UPF3B: variants seen among roughly 807,000 people sequenced by gnomAD.
UPF3B encodes the protein regulator of nonsense transcripts 3B.
UPF3B carries 7 observed loss-of-function variants against 40.3 expected under a neutral mutation model. The ratio of observed to expected loss-of-function variants is 0.17; its 90% CI spans 0.10 to 0.33. UPF3B has a LOEUF of 0.33. UPF3B is among the 10% of genes least tolerant of loss of function. The pLI is 1.00. For synonymous variants in UPF3B, 117 were observed against 117.3 expected (o/e 1.00, Z 0.01); for missense variants, 229 against 358.9 (o/e 0.64, Z 2.93).
chrX:119,823,434 C>T (rs1221826903), intron 3 of UPF3B, among the ~76,000 whole-genome samples: 1 of 110,554 alleles, frequency 9.0e-6, no homozygotes, highest in Non-Finnish European at 1.9e-5. Flanking sequence ...GACGGGGTTG[C>T]CCTATGTTGC....
chrX:119,818,094 G>A (rs1377021353), intron 4 of UPF3B, among the ~76,000 whole-genome samples: 6 of 109,584 alleles, frequency 5.5e-5, no homozygotes, highest in African/African-American at 2.0e-4. Flanking sequence ...GTGAAACCCC[G>A]TCTCTACTAA....
At chrX:119,814,457 A>G (rs140758147) in intron 5 of UPF3B, among the ~76,000 whole-genome samples, 3 of 112,469 alleles carry the variant, frequency 2.7e-5, no homozygotes, top group African/African-American at 9.6e-5. Flanking sequence ...AGTTTGTTCT[A>G]TTCTTCCCTG....
chrX:119,846,365 T>C (rs763767405), intron 3 of UPF3B, among the ~76,000 whole-genome samples: 50 of 105,334 alleles, frequency 4.7e-4, no homozygotes, highest in Middle Eastern at 5.0e-3. Flanking sequence ...TAAAAATAAA[T>C]AAAAATACAA....
downstream of UPF3B, among the ~76,000 whole-genome samples, chrX:119,833,122 A>G (rs1432501953): frequency 9.0e-6 from 1 of 111,241 alleles, no homozygotes; most frequent in East Asian, 2.8e-4. Context: ...TGTAAGCATC[A>G]TGAGAAAGCA....
Position 119,837,956 on chromosome X carries a change from C to T in UPF3B, c.1103G>A (p.Arg368Gln), listed in dbSNP as rs1282813621. Reference protein sequence around the residue: ...RILRERERLKRQEEERRRQKE... With the variant: ...RILRERERLKQQEEERRRQKE... ...CTGCCTACGGCGCTCTTCTTCTTGC[C>T]GCTTCAGCCTCTCTCTTTCTCGAAG... Residue 368 changes from arginine to glutamine, a missense_variant, in exon 10 of 11, where the codon CGG becomes CAG. Coordinates refer to ENST00000276201, the MANE Select transcript of UPF3B (RefSeq NM_080632.3). 25 of 1,208,700 alleles carry T rather than the reference C, an allele frequency of 2.1e-5. No homozygotes were observed. Among genetic ancestry groups the T allele is most frequent in the Admixed American group, 4.4e-5 (2 of 45,486 alleles).
intron 5 of UPF3B, among the ~76,000 whole-genome samples, chrX:119,814,143 A>G (rs1048172158): frequency 2.7e-5 from 3 of 111,961 alleles, no homozygotes; most frequent in African/African-American, 9.7e-5. Flanking sequence ...ATTGACATCA[A>G]AACAAAACAA....
In UPF3B at chrX:119,841,764, G is replaced by A; in HGVS notation, c.595C>T (p.Pro199Ser). 8.3e-7 allele frequency: 1 copy of A among 1,206,699 alleles called. No individual in the cohort carries two copies. Among genetic ancestry groups the A allele is most frequent in the Non-Finnish European group, 1.1e-6 (1 of 891,137 alleles). ...TTGTTTTTCAGGAAGCTCAAAAGTG[G>A]GGTTGTCTTTTTAGCTACATAAATG... Reference protein sequence around the residue: ...NRELIAKKTTPLLSFLKNKQR... With the variant: ...NRELIAKKTTSLLSFLKNKQR... The change falls in exon 6 of 11, where the codon CCA becomes TCA. Residue 199 changes from proline (P) to serine (S), a missense_variant. Pro to Ser is a moderately conservative substitution (Grantham distance 74). Around this residue, in one of 3 missense-constraint regions of UPF3B, gnomAD observed 87 missense variants for 184.2 expected, o/e 0.47. Coordinates refer to ENST00000276201, the MANE Select transcript of UPF3B (RefSeq NM_080632.3).
At chrX:119,818,481 T>C (rs1276381214) in intron 4 of UPF3B, among the ~76,000 whole-genome samples, 1 of 110,931 alleles carries the variant, frequency 9.0e-6, no homozygotes, top group Non-Finnish European at 1.9e-5. Flanking sequence ...CTTGGGAGGC[T>C]GAGGCAGGAG....
At position 119,834,934 on chromosome X, in the gene UPF3B, C is replaced by T; in HGVS notation, c.1396G>A (p.Ala466Thr). ...DDSTKSGDSA[A>T]ERKQESGISH... ...ATACCACTTTCCTGCTTCCTTTCTG[C>T]TGCTGAATCTCCAGACTTGGTGCTG... The change falls in exon 11 of 11, where the codon GCA (alanine) becomes ACA (threonine). Residue 466 changes from alanine (A) to threonine (T), a missense_variant. Physicochemically the swap from Ala to Thr is moderately conservative, Grantham distance 58. This residue lies in a region of UPF3B where 119 missense variants were observed against 153.8 expected (regional missense o/e 0.77). Coordinates refer to ENST00000276201, the MANE Select transcript of UPF3B (RefSeq NM_080632.3). 2.5e-6 allele frequency: 3 copies of T among 1,212,100 alleles called. No individual in the cohort carries two copies. The highest frequency in any genetic ancestry group is 2.2e-5 in the Admixed American group (1 of 46,030).
At chrX:119,832,241 G>A (rs2147776477), downstream of UPF3B, among the ~76,000 whole-genome samples, 1 of 111,461 alleles carries the variant, frequency 9.0e-6, no homozygotes, top group South Asian at 3.8e-4. Context: ...TTACCTGTAT[G>A]AGCCATCACA....
chrX:119,832,561 C>A (rs1402004050), downstream of UPF3B, among the ~76,000 whole-genome samples: 1 of 112,043 alleles, frequency 8.9e-6, no homozygotes, highest in Admixed American at 9.5e-5. Context: ...AGCCACCATG[C>A]CTGGCCTTTT....
At position 119,806,282 on chromosome X, in the gene UPF3B, A is replaced by G. The variant is rs759728563; in HGVS notation, c.*12-847T>C. ...CTCACTCATAGGTGGGAATTGAACA[A>G]TGAGATCACATGGACACAGGAAGGG... is the stretch of plus-strand genomic sequence containing the variant. On this transcript the variant is annotated intron_variant, in intron 6 of 6. Coordinates refer to the UPF3B transcript ENST00000636792. 8.4e-3 allele frequency among the ~76,000 whole-genome samples: 783 copies of G among 93,147 alleles called. 10 individuals are homozygous for G. Among genetic ancestry groups the G allele is most frequent in the African/African-American group, 0.029 (735 of 25,380 alleles). The allele number at this position is 93,147 out of a possible 115,157, so 80.9% of individuals were successfully genotyped here. A position where few individuals can be genotyped will look rare whatever the true frequency, so the allele number is the denominator to read the frequency against.
Position 119,838,036 on chromosome X carries a change from G to A in UPF3B, c.1023C>T (p.Ser341=), listed in dbSNP as rs754633768. 1.3e-5 allele frequency: 16 copies of A among 1,208,436 alleles called. No homozygotes were observed. The East Asian group carries it at 1.8e-4, about 13-fold the overall frequency. The change falls in exon 10 of 11, where the codon AGC becomes AGT. Residue 341 remains serine, a synonymous_variant. Transcript: ENST00000276201. ...GTTCCCTCTCCCTATAGTCTCTGCC[G>A]CTCTCATCTTCAGGTCTGCATGAAA... ...DEKPKRPEDE[S]GRDYRERERE...
chrX:119,828,785 A>T (rs1454910976), intron 3 of UPF3B, among the ~76,000 whole-genome samples: 1 of 110,516 alleles, frequency 9.0e-6, no homozygotes, highest in Non-Finnish European at 1.9e-5. Flanking sequence ...CAGTGGTGCC[A>T]TCTCGGCTCA....
intron 6 of UPF3B, chrX:119,807,437 TC>T: frequency 1.1e-6 from 1 of 884,070 alleles, no homozygotes; most frequent in Non-Finnish European, 1.4e-6. Context: ...GACTTAACAC[TC>T]CCTTCCTCCT....
intron 3 of UPF3B, among the ~76,000 whole-genome samples, chrX:119,826,979 A>G (rs1214086491): frequency 8.9e-6 from 1 of 112,168 alleles, no homozygotes; most frequent in Non-Finnish European, 1.9e-5. Context: ...TCTGCTTATT[A>G]TGAGAGTGTC....
chrX:119,851,707 G>A (rs2056304198), intron 2 of UPF3B, 60 bp downstream of exon 2: 1 of 922,231 alleles, frequency 1.1e-6, no homozygotes, highest in Middle Eastern at 3.0e-4. Context: ...AAAACAGTAG[G>A]ATAAAAAGAA....
In UPF3B at chrX:119,834,569, T is replaced by C; in HGVS notation, c.*309A>G. On this transcript the variant is annotated 3_prime_UTR_variant, in exon 11 of 11. Coordinates refer to ENST00000276201, the MANE Select transcript of UPF3B (RefSeq NM_080632.3). ...AGAACCAGCTCTTACTTTTCTCTCGTGTCATATGTGATGAAGTCCTCACTT... is the reference window on the plus strand; with the variant it reads ...AGAACCAGCTCTTACTTTTCTCTCGCGTCATATGTGATGAAGTCCTCACTT... 1 of 963,654 alleles carries C rather than the reference T, an allele frequency of 1.0e-6. No homozygotes were observed. The highest frequency in any genetic ancestry group is 1.3e-6 in the Non-Finnish European group (1 of 768,356). The allele number at this position is 963,654 out of a possible 1,213,427, so 79.4% of individuals were successfully genotyped here. A position where few individuals can be genotyped will look rare whatever the true frequency, so the allele number is the denominator to read the frequency against.
chrX:119,828,773 T>C (rs1337486921), intron 3 of UPF3B, among the ~76,000 whole-genome samples: 1 of 110,671 alleles, frequency 9.0e-6, no homozygotes, highest in East Asian at 2.8e-4. Flanking sequence ...TGGGCTAGAG[T>C]GCAGTGGTGC....
Sources: allele counts gnomAD v4.1 joint callset (sites outside exome capture counted in the v4.1 genomes callset), GRCh38; gene constraint gnomAD v4.1.1; regional missense constraint gnomAD v4.1.1; transcripts MANE v1.5; gene names NCBI Gene and HGNC (gene_info 2026-07-23, HGNC 2026-07-21).